The following ARHGEF25 variants were observed in gnomAD, a reference collection of about 807,000 sequenced individuals.
ARHGEF25 encodes the protein RAC/CDC42 exchange factor.
Under a neutral mutation model 74.0 loss-of-function variants are expected in ARHGEF25, and 42 were observed. The observed-to-expected ratio is 0.57, with a 90% CI of 0.44 to 0.73. The LOEUF (loss-of-function observed/expected upper bound fraction) is 0.73. Among genes scored for constraint, ARHGEF25 ranks in the 30% least tolerant of loss-of-function variants. The pLI is 0.00. For missense variants in ARHGEF25, 645 were observed against 725.5 expected (o/e 0.89, Z 1.27); for synonymous variants, 293 against 278.6 (o/e 1.05, Z -0.51).
rs73346100 is a variant in ARHGEF25 at position 57,614,465 on chromosome 12, C to T, written c.727-51C>T. On this transcript the variant is annotated intron_variant, in intron 7 of 14. Transcript: ENST00000286494. This position sits in a 1 kb window ranked among gnomAD's most constrained non-coding sequence, Gnocchi z 4.6. ...AATGGGCTGGGATTCTCTGGAGATG[C>T]GTCCTCCCTCCTTGCCCACCCTGCT... 0.013 allele frequency: 20,581 copies of T among 1,613,462 alleles called. 796 individuals carry two copies. In the African/African-American group the frequency reaches 0.13, roughly 10 times the overall value.
At chr12:57,612,530 G>A (rs1884096805) in intron 1 of ARHGEF25, 2 of 213,512 alleles carry the variant, frequency 9.4e-6, no homozygotes, top group Admixed American at 5.4e-5. Flanking sequence ...GGGAGTGGCA[G>A]ATGGACCCAG....
chr12:57,611,774 C>G lies in ARHGEF25; in HGVS notation c.-121C>G. On this transcript the variant is annotated 5_prime_UTR_variant, in exon 1 of 15. Transcript: ENST00000286494. This position sits in a 1 kb window ranked among gnomAD's most constrained non-coding sequence, Gnocchi z 4.5. ...CCCGGTCCCCTCCCTCCCCCCCTCC[C>G]ACAGCCTGGACCGGGGTAGGAGGGA... 8.7e-7 allele frequency: 1 copy of G among 1,149,014 alleles called. No homozygotes were observed. Among genetic ancestry groups the G allele is most frequent in the Non-Finnish European group, 1.1e-6 (1 of 918,084 alleles). 71.2% of individuals were successfully genotyped at this position (1,149,014 alleles called of 1,614,324 possible).
At chr12:57,611,006 G>A (rs1168466878), upstream of ARHGEF25, among the ~76,000 whole-genome samples, 1 of 152,192 alleles carries the variant, frequency 6.6e-6, no homozygotes, top group Admixed American at 6.5e-5. This position sits in a 1 kb window ranked among gnomAD's most constrained non-coding sequence, Gnocchi z 4.5. Flanking sequence ...GAGAGAGGGC[G>A]GCATCTGGGT....
At chr12:57,613,970 G>A in intron 5 of ARHGEF25, 46 bp from the exon 6 acceptor site, 2 of 1,583,926 alleles carry the variant, frequency 1.3e-6, no homozygotes, top group South Asian at 1.1e-5. Flanking sequence ...TTAAGGTGGG[G>A]AGAGGGCCAC....
At position 57,615,872 on chromosome 12, in the gene ARHGEF25, T is replaced by C. The variant is rs1399704483; in HGVS notation, c.1275T>C (p.Gly425=). ...SCLGLEGNLQ[G]DPCRFALTSR... The stretch of plus-strand genomic sequence containing the variant: ...TGGGACTGGAGGGGAACCTCCAAGG[T>C]GACCCTTGCCGCTTTGCACTGACCT... Residue 425 remains glycine, a synonymous_variant, in exon 13 of 15, where the codon GGT becomes GGC. Coordinates refer to ENST00000286494, the MANE Select transcript of ARHGEF25 (RefSeq NM_182947.4). The C allele has an allele frequency of 6.2e-7, 1 of 1,614,034 alleles. No homozygotes were observed. The highest frequency in any genetic ancestry group is 8.5e-7 in the Non-Finnish European group (1 of 1,179,944).
Position 57,614,905 on chromosome 12 carries a change from G to A in ARHGEF25, c.910-62G>A, listed in dbSNP as rs923800404. 1.1e-5 allele frequency: 18 copies of A among 1,596,166 alleles called. No individual in the cohort carries two copies. The highest frequency in any genetic ancestry group is 1.7e-5 in the Admixed American group (1 of 59,162). ...GCCCTCACTGGTGTCCTCAGGGGAG[G>A]ATGTGAGAGCTTCTAAGGGTGTCCT... On this transcript the variant is annotated intron_variant, in intron 9 of 14. Transcript: ENST00000286494. The surrounding 1 kb of genome is among the most constrained non-coding windows in gnomAD (Gnocchi z 4.6).
intron 12 of ARHGEF25, 33 bp from the exon 13 acceptor site, chr12:57,615,804 A>T (rs2140224548): frequency 6.2e-7 from 1 of 1,612,120 alleles, no homozygotes; most frequent in South Asian, 1.1e-5. Flanking sequence ...GGGCCTGAGG[A>T]ATCTGGGGGC....
chr12:57,612,105 G>T, intron 1 of ARHGEF25, 114 bp downstream of exon 1: 1 of 877,822 alleles, frequency 1.1e-6, no homozygotes. Flanking sequence ...GTGTTTTCCA[G>T]GAAAGTGGTT....
intron 12 of ARHGEF25, 39 bp downstream of exon 12, chr12:57,615,751 A>G (rs761565868): frequency 6.2e-7 from 1 of 1,613,250 alleles, no homozygotes; most frequent in Non-Finnish European, 8.5e-7. Flanking sequence ...GGAGAGAGAG[A>G]GGGCATGAGG....
Position 57,612,755 on chromosome 12 carries a change from G to T in ARHGEF25, c.98-175G>T. On this transcript the variant is annotated intron_variant, in intron 1 of 14. Coordinates refer to ENST00000286494, the MANE Select transcript of ARHGEF25 (RefSeq NM_182947.4). ...GTTTACCTTACTGTGCTTTCTCCCA[G>T]GGGTGCCCTGGTGAAATTTTCTATC... 6.8e-7 allele frequency: 1 copy of T among 1,481,004 alleles called. No individual in the cohort carries two copies. The highest frequency in any genetic ancestry group is 1.4e-5 in the African/African-American group (1 of 71,452). 91.7% of individuals were successfully genotyped at this position (1,481,004 alleles called of 1,614,324 possible).
rs1218387375 is a variant in ARHGEF25 at position 57,613,212 on chromosome 12, G to A, written c.313-52G>A. ...GGACACTGGCAGAGAGGGCAAGTTG[G>A]GGCCACCCAGCTACTGTCCCCGACC... On this transcript the variant is annotated intron_variant, in intron 2 of 14. Transcript: ENST00000286494. 6.2e-6 allele frequency: 10 copies of A among 1,610,176 alleles called. No homozygotes were observed. In the East Asian group the frequency reaches 2.0e-4, roughly 32 times the overall value.
rs766690857 is a variant in ARHGEF25, at chr12:57,616,268, CCT to C, written c.1421-11_1421-10del. The C allele has an allele frequency of 3.9e-5, 62 of 1,603,670 alleles. No individual in the cohort carries two copies. In the African/African-American group the frequency reaches 8.0e-4, roughly 21 times the overall value. ...TCTCTGCGGTAACCCTCCTTCTGTT[CCT>C]CTCTTTGCTCCAGCATTGCAGTCAC... On this transcript the variant is annotated splice_polypyrimidine_tract_variant and intron_variant, in intron 13 of 14. Transcript: ENST00000286494.
At chr12:57,613,785 C>T (rs758205020) in intron 5 of ARHGEF25, 25 bp downstream of exon 5, 1 of 1,611,560 alleles carries the variant, frequency 6.2e-7, no homozygotes, top group Non-Finnish European at 8.5e-7. Flanking sequence ...CCCTTCCCAG[C>T]CCCTCCTGCC....
upstream of ARHGEF25, chr12:57,611,338 C>A (rs980111021): frequency 3.1e-6 from 2 of 649,058 alleles, no homozygotes; most frequent in Non-Finnish European, 3.8e-6. This position sits in a 1 kb window ranked among gnomAD's most constrained non-coding sequence, Gnocchi z 4.5. Flanking sequence ...GCGATCGGGG[C>A]GGGAACCCGG....
intron 14 of ARHGEF25, 36 bp from the exon 15 acceptor site, chr12:57,616,748 G>T: frequency 6.9e-7 from 1 of 1,448,592 alleles, no homozygotes; most frequent in Non-Finnish European, 9.6e-7. Flanking sequence ...TAGATTTCTG[G>T]CCTTTTTGAT....
chr12:57,616,095 G>A (rs1884274977), intron 13 of ARHGEF25, 78 bp downstream of exon 13: 6 of 1,535,446 alleles, frequency 3.9e-6, no homozygotes, highest in Non-Finnish European at 5.3e-6. Context: ...CCAGTCTCCA[G>A]TACCTACCCT....
At position 57,617,137 on chromosome 12, in the gene ARHGEF25, T is replaced by G; in HGVS notation, c.*243T>G. 1 of 115,046 alleles carries G rather than the reference T, an allele frequency of 8.7e-6. No individual in the cohort carries two copies. The highest frequency in any genetic ancestry group is 3.5e-4 in the South Asian group (1 of 2,898). The allele number at this position is 115,046 out of a possible 1,614,324, so 7.1% of individuals were successfully genotyped here. The stretch of plus-strand genomic sequence containing the variant: ...CATCATGGTCCCCCCAAAAGGAGGA[T>G]ATGTGGGTGGGTGGGAGGGCTGGGG... On this transcript the variant is annotated 3_prime_UTR_variant, in exon 15 of 15. Transcript: ENST00000286494.
chr12:57,612,239 C>T, intron 1 of ARHGEF25: 1 of 281,132 alleles, frequency 3.6e-6, no homozygotes, highest in Non-Finnish European at 6.6e-6. Flanking sequence ...AAAAACCCAC[C>T]CACAATCCCC....
chr12:57,613,505 G>A lies in ARHGEF25; in HGVS notation c.474G>A (p.Leu158=), dbSNP rs1884146722. 1 of 1,614,108 alleles carries A rather than the reference G, an allele frequency of 6.2e-7. No homozygotes were observed. The highest frequency in any genetic ancestry group is 1.7e-5 in the Admixed American group (1 of 60,010). ...AGGAGGAACAGAAGAAGAAGGCTCT[G>A]GAAAGGAGTATGTAAGTGTCCACAG... ...ESEEEQKKKA[L]ERSMYVLSEL... The change falls in exon 4 of 15, where the codon CTG becomes CTA. Residue 158 remains leucine, a synonymous_variant. Transcript: ENST00000286494.
Sources: allele counts gnomAD v4.1 joint callset (sites outside exome capture counted in the v4.1 genomes callset), GRCh38; gene constraint gnomAD v4.1.1; non-coding constraint Gnocchi (gnomAD v3.1); transcripts MANE v1.5; gene names NCBI Gene and HGNC (gene_info 2026-07-23, HGNC 2026-07-21).